Variants in NUBPL observed in about 807,000 individuals in gnomAD.
NUBPL encodes the protein NUBP iron-sulfur cluster assembly factor, mitochondrial, also known as iron-sulfur cluster transfer protein NUBPL.
Under a neutral mutation model 45.7 loss-of-function variants are expected in NUBPL, and 31 were observed. The ratio of observed to expected loss-of-function variants is 0.68; its 90% CI spans 0.51 to 0.92. The LOEUF (loss-of-function observed/expected upper bound fraction) is 0.92. Ranked by LOEUF, NUBPL falls within the 40% of genes least tolerant of loss-of-function variation. The pLI is 0.00. For missense variants in NUBPL, 401 were observed against 398.7 expected (o/e 1.01, Z -0.05); for synonymous variants, 144 against 140.9 (o/e 1.02, Z -0.15).
At chr14:31,613,613 A>T (rs902804080) in intron 4 of NUBPL, among the ~76,000 whole-genome samples, 2 of 152,078 alleles carry the variant, frequency 1.3e-5, no homozygotes, top group African/African-American at 4.8e-5. Context: ...ACGCACCACC[A>T]TGCCCAGCTA....
At chr14:31,817,014 C>G (rs535794790) in intron 7 of NUBPL, among the ~76,000 whole-genome samples, 3 of 151,664 alleles carry the variant, frequency 2.0e-5, no homozygotes, top group Non-Finnish European at 4.4e-5. Flanking sequence ...AAAAGCAGCA[C>G]GAGAACTTCG....
intron 4 of NUBPL, among the ~76,000 whole-genome samples, chr14:31,665,543 A>G (rs751824793): frequency 2.0e-5 from 3 of 152,156 alleles, no homozygotes; most frequent in Non-Finnish European, 4.4e-5. Flanking sequence ...GTTTTGATTG[A>G]GTTTCTTAAT....
chr14:31,597,781 A>G (rs144354773), intron 3 of NUBPL, among the ~76,000 whole-genome samples: 12 of 152,270 alleles, frequency 7.9e-5, no homozygotes, highest in Admixed American at 5.2e-4. Context: ...ATAAAAATAC[A>G]GAAAAGAGAT....
intron 6 of NUBPL, among the ~76,000 whole-genome samples, chr14:31,728,648 C>G (rs1224517516): frequency 6.6e-6 from 1 of 152,174 alleles, no homozygotes; most frequent in Non-Finnish European, 1.5e-5. Flanking sequence ...CTATTGATCA[C>G]TAGACAACTA....
chr14:31,846,261 CA>C (rs1286455824), intron 8 of NUBPL: 2 of 520,158 alleles, frequency 3.8e-6, no homozygotes, highest in African/African-American at 4.0e-5. Flanking sequence ...CTCTTTTTAG[CA>C]TTTATTATGA....
chr14:31,651,287 T>A (rs2035997386), intron 4 of NUBPL, among the ~76,000 whole-genome samples: 1 of 152,040 alleles, frequency 6.6e-6, no homozygotes, highest in South Asian at 2.1e-4. Context: ...TGGTCTCAAA[T>A]TCCTGGCCTC....
chr14:31,849,923 T>G, intron 9 of NUBPL, 196 bp from the exon 10 acceptor site: 1 of 610,298 alleles, frequency 1.6e-6, no homozygotes, highest in South Asian at 2.0e-5. Context: ...ATACAATCAC[T>G]GTACTACTCT....
rs116652266 is a variant in NUBPL, at chr14:31,693,841, G to C, written c.513+20267G>C. Among the ~76,000 whole-genome samples, 1,156 of 136,932 alleles carry C rather than the reference G, an allele frequency of 8.4e-3. 9 individuals carry two copies. The highest frequency in any genetic ancestry group is 0.013 in the Non-Finnish European group (854 of 64,742). The allele number at this position is 136,932 out of a possible 152,430, so 89.8% of individuals were successfully genotyped here. On this transcript the variant is annotated intron_variant, in intron 6 of 10. Coordinates refer to ENST00000281081, the MANE Select transcript of NUBPL (RefSeq NM_025152.3). Reference sequence around the variant, plus strand: ...AAAAAAAACCTTTAAACATGAGGTAGATTTTCTTTTCTTTTCTTTTTTTTT... The same window carrying C: ...AAAAAAAACCTTTAAACATGAGGTACATTTTCTTTTCTTTTCTTTTTTTTT...
At chr14:31,712,611 C>T (rs184292050) in intron 6 of NUBPL, among the ~76,000 whole-genome samples, 37 of 152,348 alleles carry the variant, frequency 2.4e-4, no homozygotes, top group African/African-American at 5.5e-4. Context: ...AAGCGCTCCT[C>T]GAGTGCAGCC....
rs1210075686 is a variant in NUBPL at position 31,761,071 on chromosome 14, A to G, written c.514-26709A>G. Among the ~76,000 whole-genome samples the G allele has an allele frequency of 2.6e-5, 4 of 152,176 alleles. No individual in the cohort carries two copies. In the East Asian group the frequency reaches 7.7e-4, roughly 29 times the overall value. ...GTTACCAAGATATTTGAAATATTACACTTTGTAAGTAGTTTTAAAAGAGGT... is the reference window on the plus strand; with the variant it reads ...GTTACCAAGATATTTGAAATATTACGCTTTGTAAGTAGTTTTAAAAGAGGT... On this transcript the variant is annotated intron_variant, in intron 6 of 10. Coordinates refer to ENST00000281081, the MANE Select transcript of NUBPL (RefSeq NM_025152.3).
At position 31,670,175 on chromosome 14, in the gene NUBPL, G is replaced by C. The variant is rs550151283; in HGVS notation, c.383-3180G>C. On this transcript the variant is annotated intron_variant, in intron 4 of 10. Transcript: ENST00000281081. ...TTGATATTTTAATAATAGCCATTCTGACTGGTGTGAGTTGGTATCTCATTG... is the reference window on the plus strand; with the variant it reads ...TTGATATTTTAATAATAGCCATTCTCACTGGTGTGAGTTGGTATCTCATTG... 2.0e-5 allele frequency among the ~76,000 whole-genome samples: 3 copies of C among 152,152 alleles called. No individual in the cohort carries two copies. In the South Asian group the frequency reaches 6.2e-4, roughly 32 times the overall value.
intron 4 of NUBPL, among the ~76,000 whole-genome samples, chr14:31,645,551 T>G (rs937057554): frequency 6.6e-6 from 1 of 152,232 alleles, no homozygotes; most frequent in African/African-American, 2.4e-5. Context: ...TCTTCCTTTG[T>G]TATTGTCTTC....
chr14:31,813,464 C>T lies in NUBPL; in HGVS notation c.608-13165C>T, dbSNP rs147611128. 1.2e-3 allele frequency among the ~76,000 whole-genome samples: 97 copies of T among 82,112 alleles called. No individual in the cohort carries two copies. In the South Asian group the frequency reaches 0.022, roughly 19 times the overall value. The allele number at this position is 82,112 out of a possible 152,430, so 53.9% of individuals were successfully genotyped here. ...ACACACACACACACACACACACACA[C>T]ACATACATACATATATATATATACA... On this transcript the variant is annotated intron_variant, in intron 7 of 10. Coordinates refer to ENST00000281081, the MANE Select transcript of NUBPL (RefSeq NM_025152.3).
rs137884496 is a variant in NUBPL, at chr14:31,810,230, C to T, written c.608-16399C>T. Reference sequence around the variant, plus strand: ...TTGACAGTGGGGTGTTAAAGTCTCCCATTATTATTGTGTGGGAGTCTAAGT... The same window carrying T: ...TTGACAGTGGGGTGTTAAAGTCTCCTATTATTATTGTGTGGGAGTCTAAGT... On this transcript the variant is annotated intron_variant, in intron 7 of 10. Transcript: ENST00000281081. Among the ~76,000 whole-genome samples the T allele has an allele frequency of 1.8e-3, 279 of 152,134 alleles. 3 individuals are homozygous for T. Among genetic ancestry groups the T allele is most frequent in the African/African-American group, 6.4e-3 (266 of 41,512 alleles).
intron 6 of NUBPL, among the ~76,000 whole-genome samples, chr14:31,768,681 T>C (rs1466347553): frequency 6.6e-6 from 1 of 152,134 alleles, no homozygotes; most frequent in East Asian, 1.9e-4. Context: ...CCCTCACTCT[T>C]AAAGGAAAAA....
chr14:31,687,536 A>G (rs377594734), intron 6 of NUBPL, among the ~76,000 whole-genome samples: 1 of 152,252 alleles, frequency 6.6e-6, no homozygotes, highest in Admixed American at 6.5e-5. Context: ...TCACTGTACT[A>G]CATACTATAC....
At chr14:31,620,875 C>G (rs1035673835) in intron 4 of NUBPL, among the ~76,000 whole-genome samples, 1 of 152,170 alleles carries the variant, frequency 6.6e-6, no homozygotes, top group Non-Finnish European at 1.5e-5. Context: ...GGTGAAGCTG[C>G]GCCCACAGCC....
chr14:31,655,661 C>T (rs778230050), intron 4 of NUBPL, among the ~76,000 whole-genome samples: 27 of 152,216 alleles, frequency 1.8e-4, no homozygotes, highest in Admixed American at 3.9e-4. Flanking sequence ...TGCAGTGAGC[C>T]GAGATGGTAC....
At chr14:31,593,075 A>C (rs182082737) in intron 3 of NUBPL, among the ~76,000 whole-genome samples, 1 of 152,330 alleles carries the variant, frequency 6.6e-6, no homozygotes, top group African/African-American at 2.4e-5. Flanking sequence ...CAACAATAAA[A>C]AGTAATACAA....
Sources: allele counts gnomAD v4.1 joint callset (sites outside exome capture counted in the v4.1 genomes callset), GRCh38; gene constraint gnomAD v4.1.1; transcripts MANE v1.5; gene names NCBI Gene and HGNC (gene_info 2026-07-23, HGNC 2026-07-21).